RAD23B: variants seen among roughly 807,000 people sequenced by gnomAD.
The protein encoded by RAD23B is RAD23 nucleotide excision repair protein B.
A neutral mutation model predicts 49.1 loss-of-function variants in RAD23B; 5 were observed. The observed-to-expected ratio is 0.10, with a 90% CI of 0.05 to 0.21. The LOEUF (loss-of-function observed/expected upper bound fraction) is 0.21, where lower values mean the gene tolerates loss of function less well. Ranked by LOEUF, RAD23B falls within the 10% of genes least tolerant of loss-of-function variation. The pLI, the probability that RAD23B is intolerant of heterozygous loss-of-function variation, is 1.00. For missense variants in RAD23B, 356 were observed against 486.7 expected (o/e 0.73, Z 2.53); for synonymous variants, 184 against 165.4 (o/e 1.11, Z -0.86).
intron 6 of RAD23B, among the ~76,000 whole-genome samples, chr9:107,319,378 C>A (rs1163770648): frequency 6.6e-6 from 1 of 152,106 alleles, no homozygotes; most frequent in Admixed American, 6.5e-5. Flanking sequence ...GATCCGCCCG[C>A]CTCAGCCTCC....
intron 1 of RAD23B, among the ~76,000 whole-genome samples, chr9:107,295,251 A>AGT (rs1826481902): frequency 2.0e-5 from 3 of 152,088 alleles, no homozygotes; most frequent in African/African-American, 7.2e-5. Flanking sequence ...GTGGGGGGAG[A>AGT]GAGTCTAGGA....
intron 1 of RAD23B, among the ~76,000 whole-genome samples, chr9:107,290,244 C>A (rs73515728): frequency 6.6e-6 from 1 of 152,172 alleles, no homozygotes; most frequent in Non-Finnish European, 1.5e-5. Context: ...GAATTGTGGG[C>A]GGTGCTATCT....
intron 1 of RAD23B, among the ~76,000 whole-genome samples, chr9:107,295,671 G>C (rs1446161209): frequency 6.6e-6 from 1 of 152,134 alleles, no homozygotes; most frequent in Non-Finnish European, 1.5e-5. Flanking sequence ...GGCTAACTAG[G>C]GGGAACAGAA....
Position 107,331,617 on chromosome 9 carries a change from A to G in RAD23B, c.*1961A>G. The G allele has an allele frequency of 2.7e-6, 2 of 751,396 alleles. No individual in the cohort carries two copies. The highest frequency in any genetic ancestry group is 2.3e-4 in the Middle Eastern group (1 of 4,282). The allele number at this position is 751,396 out of a possible 1,614,324, so 46.5% of individuals were successfully genotyped here. A position where few individuals can be genotyped will look rare whatever the true frequency, so the allele number is the denominator to read the frequency against. On this transcript the variant is annotated 3_prime_UTR_variant, in exon 10 of 10. Coordinates refer to ENST00000358015, the MANE Select transcript of RAD23B (RefSeq NM_002874.5). ...GTTGGGAAAAGAGGTGGCATTTCTGATCGGATAATGGAATACTCTCATTTA... is the reference window on the plus strand; with the variant it reads ...GTTGGGAAAAGAGGTGGCATTTCTGGTCGGATAATGGAATACTCTCATTTA...
chr9:107,330,734 A>G lies in RAD23B; in HGVS notation c.*1078A>G, dbSNP rs1375948123. On this transcript the variant is annotated 3_prime_UTR_variant, in exon 10 of 10. Coordinates refer to ENST00000358015, the MANE Select transcript of RAD23B (RefSeq NM_002874.5). This position sits in a 1 kb window ranked among gnomAD's most constrained non-coding sequence, Gnocchi z 4.4. ...AAGTCATTAGTATAATATTGCTTTCAAAAAGAAATGGTAGACAAAACTATA... is the reference window on the plus strand; with the variant it reads ...AAGTCATTAGTATAATATTGCTTTCGAAAAGAAATGGTAGACAAAACTATA... 1 of 152,676 alleles carries G rather than the reference A, an allele frequency of 6.5e-6. No individual in the cohort carries two copies. Among genetic ancestry groups the G allele is most frequent in the African/African-American group, 2.4e-5 (1 of 41,464 alleles). The allele number at this position is 152,676 out of a possible 1,614,324, so 9.5% of individuals were successfully genotyped here. A position where few individuals can be genotyped will look rare whatever the true frequency, so the allele number is the denominator to read the frequency against.
At position 107,322,006 on chromosome 9, in the gene RAD23B, T is replaced by A; in HGVS notation, c.705T>A (p.Ser235Arg). ...LLMGIPGDRE[S>R]QAVVDPPQAA... ...AGGGAATCCCTGGAGATAGAGAAAG[T>A]CAGGCTGTGGTTGACCCCCCTCAAG... The change falls in exon 7 of 10, where the codon AGT becomes AGA. Residue 235 changes from serine to arginine, a missense_variant. Around this residue, in one of 5 missense-constraint regions of RAD23B, gnomAD observed 148 missense variants for 231.7 expected, o/e 0.64. Transcript: ENST00000358015. The A allele has an allele frequency of 6.2e-7, 1 of 1,611,424 alleles. No homozygotes were observed. The highest frequency in any genetic ancestry group is 8.5e-7 in the Non-Finnish European group (1 of 1,179,040).
chr9:107,326,225 T>G (rs1406070847), intron 9 of RAD23B, among the ~76,000 whole-genome samples: 1 of 152,092 alleles, frequency 6.6e-6, no homozygotes, highest in Non-Finnish European at 1.5e-5. Context: ...TACTGGCCTC[T>G]TAGGGTGAGT....
intron 1 of RAD23B, among the ~76,000 whole-genome samples, chr9:107,289,573 T>G (rs1435965221): frequency 6.6e-6 from 1 of 152,108 alleles, no homozygotes; most frequent in African/African-American, 2.4e-5. Context: ...GTTAGGGGGC[T>G]TGTGCAGTAG....
At chr9:107,308,016 C>T (rs566326780) in intron 4 of RAD23B, among the ~76,000 whole-genome samples, 17 of 152,032 alleles carry the variant, frequency 1.1e-4, no homozygotes, top group African/African-American at 3.1e-4. Context: ...AGGGAACTTA[C>T]GCATTTAAAA....
In RAD23B at chr9:107,330,471, TATCC is replaced by T. The variant is rs1827286658; in HGVS notation, c.*816_*819del. 3 of 152,662 alleles carry T rather than the reference TATCC, an allele frequency of 2.0e-5. No individual in the cohort carries two copies. The highest frequency in any genetic ancestry group is 7.2e-5 in the African/African-American group (3 of 41,452). The allele number at this position is 152,662 out of a possible 1,614,324, so 9.5% of individuals were successfully genotyped here. On this transcript the variant is annotated 3_prime_UTR_variant, in exon 10 of 10. Transcript: ENST00000358015. The surrounding 1 kb of genome is among the most constrained non-coding windows in gnomAD (Gnocchi z 4.4). ...AACCATTGCATGTTTGCTTTTGATGTATCCCTTTGTGAAATTAGCACTTTTGGGG... is the reference window on the plus strand; with the variant it reads ...AACCATTGCATGTTTGCTTTTGATGTCTTTGTGAAATTAGCACTTTTGGGG...
rs574161907 is a variant in RAD23B, at chr9:107,327,950, A to G, written c.1117-1593A>G. 3.9e-5 allele frequency among the ~76,000 whole-genome samples: 6 copies of G among 152,238 alleles called. No homozygotes were observed. In the South Asian group the frequency reaches 6.2e-4, roughly 16 times the overall value. On this transcript the variant is annotated intron_variant, in intron 9 of 9. Transcript: ENST00000358015. Reference sequence around the variant, plus strand: ...TTTTATCATAAAATGCCTTTTGTCTATAGTAACAATTTTTATCTTAAATCT... The same window carrying G: ...TTTTATCATAAAATGCCTTTTGTCTGTAGTAACAATTTTTATCTTAAATCT...
At chr9:107,304,543 A>G (rs1826720063) in intron 3 of RAD23B, among the ~76,000 whole-genome samples, 1 of 152,144 alleles carries the variant, frequency 6.6e-6, no homozygotes, top group Non-Finnish European at 1.5e-5. Flanking sequence ...TTTTTTAAAA[A>G]CCTATCACCT....
At chr9:107,284,941 T>C (rs1425345507) in intron 1 of RAD23B, 4 of 1,301,586 alleles carry the variant, frequency 3.1e-6, no homozygotes, top group African/African-American at 1.5e-5. Context: ...GGTCAGTAAA[T>C]GGAATCGATT....
intron 5 of RAD23B, among the ~76,000 whole-genome samples, chr9:107,315,381 G>GGTA (rs1371230863): frequency 6.6e-6 from 1 of 152,050 alleles, no homozygotes. Context: ...ACAATAGCCT[G>GGTA]GTAGTATTAT....
At chr9:107,302,510 A>G (rs1826675357) in intron 3 of RAD23B, among the ~76,000 whole-genome samples, 1 of 152,148 alleles carries the variant, frequency 6.6e-6, no homozygotes, top group African/African-American at 2.4e-5. Flanking sequence ...GTCCTAACAG[A>G]TTCCTCAAGA....
chr9:107,283,973 C>A (rs1248238252), intron 1 of RAD23B: 2 of 1,119,220 alleles, frequency 1.8e-6, no homozygotes, highest in Admixed American at 5.1e-5. Flanking sequence ...CCTAGGAGCT[C>A]GTGCTAGCGG....
intron 5 of RAD23B, among the ~76,000 whole-genome samples, chr9:107,314,936 T>G (rs938112905): frequency 1.3e-5 from 2 of 152,250 alleles, no homozygotes; most frequent in Non-Finnish European, 1.5e-5. Flanking sequence ...TTGTCTGTCT[T>G]CTTTTGAAGA....
chr9:107,306,775 G>A, intron 4 of RAD23B, 128 bp downstream of exon 4: 1 of 1,024,706 alleles, frequency 9.8e-7, no homozygotes, highest in Non-Finnish European at 1.4e-6. Flanking sequence ...TTAAATGTTT[G>A]ACTAAAACAT....
intron 1 of RAD23B, among the ~76,000 whole-genome samples, chr9:107,296,782 A>G (rs560878262): frequency 6.6e-4 from 99 of 150,604 alleles, no homozygotes; most frequent in South Asian, 2.5e-3. Flanking sequence ...TGATCCGCCC[A>G]CTTCGGCCTT....
Sources: gnomAD v4.1 joint callset for allele counts (sites outside exome capture counted in the v4.1 genomes callset) on GRCh38, gnomAD v4.1.1 for gene constraint, gnomAD v4.1.1 regional missense constraint, Gnocchi (gnomAD v3.1) non-coding constraint, MANE v1.5 for transcripts, NCBI Gene and HGNC (gene_info 2026-07-23, HGNC 2026-07-21) for gene names.